Variants in LARGE1 observed in about 807,000 individuals in gnomAD.
LARGE1 encodes the protein xylosyl- and glucuronyltransferase LARGE1.
Under a neutral mutation model 87.6 loss-of-function variants are expected in LARGE1, and 43 were observed. That is an observed-to-expected ratio of 0.49 (90% CI 0.38 to 0.63). LARGE1 has a LOEUF of 0.63. LARGE1 is among the 30% of genes least tolerant of loss of function. The probability of loss-of-function intolerance (pLI) is 0.00; values close to 1 mark genes in which losing one functional copy is unlikely to be tolerated. For synonymous variants in LARGE1, 434 were observed against 394.6 expected (o/e 1.10, Z -1.18); for missense variants, 802 against 1,000.2 (o/e 0.80, Z 2.67).
chr22:33,495,308 T>C (rs1244062841), intron 6 of LARGE1, among the ~76,000 whole-genome samples: 2 of 152,210 alleles, frequency 1.3e-5, no homozygotes, highest in Non-Finnish European at 2.9e-5. Flanking sequence ...CTATCTGAAT[T>C]GTCTTGCTTA....
intron 10 of LARGE1, 60 bp downstream of exon 10, chr22:33,337,586 G>A (rs548271219): frequency 6.3e-7 from 1 of 1,598,994 alleles, no homozygotes; most frequent in East Asian, 2.2e-5. Flanking sequence ...CATGGGGGAG[G>A]TCCTTGATGG....
At chr22:33,391,348 C>CA (rs1272543283) in intron 7 of LARGE1, among the ~76,000 whole-genome samples, 2 of 152,012 alleles carry the variant, frequency 1.3e-5, no homozygotes, top group African/African-American at 4.8e-5. Context: ...CACAAAAATG[C>CA]AAAGCACTGT....
At chr22:33,721,678 G>A (rs866395201) in intron 2 of LARGE1, among the ~76,000 whole-genome samples, 1 of 152,114 alleles carries the variant, frequency 6.6e-6, no homozygotes, top group Non-Finnish European at 1.5e-5. Flanking sequence ...ATGCATGTGC[G>A]GCTCCTTAAA....
chr22:33,141,150 G>T, the LARGE1 span, among the ~76,000 whole-genome samples: 1 of 149,442 alleles, frequency 6.7e-6, no homozygotes, highest in Admixed American at 6.7e-5. Flanking sequence ...ACTCTGAAAG[G>T]GGTCAAGTTA....
chr22:33,900,825 T>TC (rs2065262640), intron 1 of LARGE1, among the ~76,000 whole-genome samples: 1 of 152,206 alleles, frequency 6.6e-6, no homozygotes, highest in African/African-American at 2.4e-5. Flanking sequence ...GGCAGGCAGA[T>TC]CACCTGAGGT....
At chr22:33,689,185 ATGTG>A (rs112442829) in intron 2 of LARGE1, among the ~76,000 whole-genome samples, 2 of 144,520 alleles carry the variant, frequency 1.4e-5, no homozygotes. Flanking sequence ...CTGTGTGTGT[ATGTG>A]TGTGTGTGTG....
chr22:33,566,572 T>G (rs781358092), intron 5 of LARGE1, among the ~76,000 whole-genome samples: 1 of 151,902 alleles, frequency 6.6e-6, no homozygotes, highest in African/African-American at 2.4e-5. Flanking sequence ...ACCCAAAGAG[T>G]GAGCAGCAGC....
intron 7 of LARGE1, among the ~76,000 whole-genome samples, chr22:33,410,471 T>C (rs1360639841): frequency 6.6e-6 from 1 of 151,946 alleles, no homozygotes; most frequent in Non-Finnish European, 1.5e-5. Flanking sequence ...AGTGAGTGAG[T>C]TCTCACGAGA....
chr22:33,390,765 C>T (rs1442844966), intron 7 of LARGE1, among the ~76,000 whole-genome samples: 4 of 151,534 alleles, frequency 2.6e-5, no homozygotes, highest in Non-Finnish European at 5.9e-5. Flanking sequence ...ACGATCTCAG[C>T]TCACTGCACC....
At chr22:33,444,445 G>C (rs2067608524) in intron 6 of LARGE1, among the ~76,000 whole-genome samples, 1 of 152,148 alleles carries the variant, frequency 6.6e-6, no homozygotes, top group Admixed American at 6.5e-5. Flanking sequence ...AGGCTGGAGT[G>C]CAGTGGCATG....
chr22:33,854,525 A>C (rs1442984222), intron 1 of LARGE1, among the ~76,000 whole-genome samples: 1 of 152,216 alleles, frequency 6.6e-6, no homozygotes, highest in Non-Finnish European at 1.5e-5. Context: ...CCCCTTACTC[A>C]CTTGAAGGGT....
chr22:33,612,057 G>A (rs372868657), intron 4 of LARGE1, among the ~76,000 whole-genome samples: 1 of 152,198 alleles, frequency 6.6e-6, no homozygotes, highest in South Asian at 2.1e-4. Context: ...GCAGAACTGT[G>A]AGCCAATTAA....
At chr22:33,443,029 T>C (rs1180102840) in intron 6 of LARGE1, among the ~76,000 whole-genome samples, 1 of 152,114 alleles carries the variant, frequency 6.6e-6, no homozygotes, top group Non-Finnish European at 1.5e-5. Flanking sequence ...CTTGACCTCA[T>C]GATCCGCCCT....
intron 1 of LARGE1, among the ~76,000 whole-genome samples, chr22:33,883,462 G>A (rs747680810): frequency 1.3e-5 from 2 of 152,150 alleles, no homozygotes; most frequent in Non-Finnish European, 2.9e-5. Flanking sequence ...CAGTCTCCCT[G>A]TTTCAGCCTT....
In LARGE1 at chr22:33,579,931, T is replaced by G. The variant is rs570732446; in HGVS notation, c.616-14912A>C. Among the ~76,000 whole-genome samples the G allele has an allele frequency of 2.6e-5, 4 of 152,316 alleles. No homozygotes were observed. In the East Asian group the frequency reaches 7.7e-4, roughly 29 times the overall value. The stretch of plus-strand genomic sequence containing the variant: ...TGCACAGAATTGCTGAGTTCCTACA[T>G]AGTATACATATTTTTTAATCCCCTG... On this transcript the variant is annotated intron_variant, in intron 5 of 14. Coordinates refer to ENST00000397394, the MANE Select transcript of LARGE1 (RefSeq NM_133642.5).
chr22:33,626,915 C>T (rs73398727), intron 3 of LARGE1, among the ~76,000 whole-genome samples: 3,106 of 152,308 alleles, frequency 0.02, 102 homozygotes, highest in African/African-American at 0.071. Context: ...AGACATGAAT[C>T]CCTGAACTCA....
chr22:33,787,414 C>T (rs1243660867), intron 1 of LARGE1, among the ~76,000 whole-genome samples: 2 of 152,160 alleles, frequency 1.3e-5, no homozygotes, highest in African/African-American at 4.8e-5. Flanking sequence ...TGTTCTGAAA[C>T]AGCTTTTAAT....
intron 6 of LARGE1, among the ~76,000 whole-genome samples, chr22:33,510,097 T>TACTTAATAA (rs374580151): frequency 6.0e-4 from 91 of 152,328 alleles, no homozygotes; most frequent in African/African-American, 1.8e-3. Flanking sequence ...CTCATTATTC[T>TACTTAATAA]ACTTAATAAA....
intron 7 of LARGE1, among the ~76,000 whole-genome samples, chr22:33,430,324 C>T (rs1247627817): frequency 3.9e-5 from 6 of 152,168 alleles, no homozygotes; most frequent in East Asian, 1.9e-4. Flanking sequence ...TCAGCTGATA[C>T]GTAGAGGCCC....
Sources: gnomAD v4.1 joint callset for allele counts (sites outside exome capture counted in the v4.1 genomes callset) on GRCh38, gnomAD v4.1.1 for gene constraint, MANE v1.5 for transcripts, NCBI Gene and HGNC (gene_info 2026-07-23, HGNC 2026-07-21) for gene names.